FSIP2: variants seen among roughly 807,000 people sequenced by gnomAD.
FSIP2 encodes the protein fibrous sheath-interacting protein 2.
In FSIP2, 367 loss-of-function variants were observed where a neutral mutation model predicts 510.5. That is an observed-to-expected ratio of 0.72 (90% confidence interval 0.66 to 0.78). The LOEUF is 0.78. Ranked by LOEUF, FSIP2 falls within the 30% of genes least tolerant of loss-of-function variation. The pLI, the probability that FSIP2 is intolerant of heterozygous loss-of-function variation, is 0.00. For missense variants in FSIP2, 7,594 were observed against 7,901.7 expected (o/e 0.96, Z 1.48); for synonymous variants, 2,601 against 2,732.2 (o/e 0.95, Z 1.50).
At position 185,743,216 on chromosome 2, in the gene FSIP2, A is replaced by T; in HGVS notation, c.309A>T (p.Pro103=). 1.3e-6 allele frequency: 2 copies of T among 1,530,582 alleles called. No individual in the cohort carries two copies. The highest frequency in any genetic ancestry group is 1.7e-6 in the Non-Finnish European group (2 of 1,144,034). The allele number at this position is 1,530,582 out of a possible 1,614,324, so 94.8% of individuals were successfully genotyped here. A position where few individuals can be genotyped will look rare whatever the true frequency, so the allele number is the denominator to read the frequency against. ...LENQYKSLHD[P]HLKAYYKRKD... is the part of the protein sequence containing the mutation. ...ACCAATATAAAAGCCTCCATGATCC[A>T]CATTTAAAAGCATACTATAAGCGCA... Residue 103 remains proline (P), a synonymous_variant, in exon 3 of 23, where the codon CCA becomes CCT. Coordinates refer to ENST00000424728, the MANE Select transcript of FSIP2 (RefSeq NM_173651.4).
intron 1 of FSIP2, 128 bp from the exon 2 acceptor site, chr2:185,739,218 C>T: frequency 3.4e-6 from 4 of 1,186,434 alleles, no homozygotes; most frequent in Non-Finnish European, 4.6e-6. Context: ...AACGGGAGGA[C>T]TTCAGGATGC....
chr2:185,824,368 G>A (rs1693977198), intron 19 of FSIP2, 66 bp from the exon 20 acceptor site: 6 of 1,045,160 alleles, frequency 5.7e-6, no homozygotes, highest in South Asian at 1.4e-5. Context: ...CTGTTCTTTT[G>A]CTTAACCAGT....
Position 185,808,251 on chromosome 2 carries a change from T to C in FSIP2, c.18945T>C (p.Ala6315=). 6.2e-7 allele frequency: 1 copy of C among 1,602,018 alleles called. No individual in the cohort carries two copies. Among genetic ancestry groups the C allele is most frequent in the Non-Finnish European group, 8.5e-7 (1 of 1,175,916 alleles). Reference sequence around the variant, plus strand: ...CAAATTCAGAATTAGTTCTGGAAGCTGTCAAAATTATGGAAAAAGTGATCA... The same window carrying C: ...CAAATTCAGAATTAGTTCTGGAAGCCGTCAAAATTATGGAAAAAGTGATCA... The part of the protein sequence containing the change: ...EVSNSELVLE[A]VKIMEKVIKI... Residue 6315 remains alanine (A), a synonymous_variant, in exon 17 of 23, where the codon GCT becomes GCC. Transcript: ENST00000424728.
Position 185,805,427 on chromosome 2 carries a change from G to A in FSIP2, c.16121G>A (p.Ser5374Asn), listed in dbSNP as rs755395245. 6.2e-7 allele frequency: 1 copy of A among 1,605,282 alleles called. No homozygotes were observed. The highest frequency in any genetic ancestry group is 8.5e-7 in the Non-Finnish European group (1 of 1,176,592). ...CATGATATTCAAAAAGGTGATGAAA[G>A]TAACATTGCTATAGGGATGATTGCT... ...TSHDIQKGDE[S>N]NIAIGMIAAL... The change falls in exon 17 of 23, where the codon AGT (serine) becomes AAT (asparagine). Residue 5374 changes from serine (S) to asparagine (N), a missense_variant. Ser to Asn is a conservative substitution (Grantham distance 46). Transcript: ENST00000424728.
Position 185,794,705 on chromosome 2 carries a change from A to G in FSIP2, c.7569A>G (p.Ser2523=), listed in dbSNP as rs1031425509. Residue 2523 remains serine, a synonymous_variant, in exon 16 of 23, where the codon TCA becomes TCG. Transcript: ENST00000424728. Reference sequence around the variant, plus strand: ...TATCTAATTCTAAGATTAAAACATCAGACACAACACAGAAAAACAGTTTTC... The same window carrying G: ...TATCTAATTCTAAGATTAAAACATCGGACACAACACAGAAAAACAGTTTTC... The part of the protein sequence containing the change: ...NFISNSKIKT[S]DTTQKNSFQS... 7.2e-6 allele frequency: 11 copies of G among 1,534,054 alleles called. No individual in the cohort carries two copies. The highest frequency in any genetic ancestry group is 1.4e-5 in the African/African-American group (1 of 73,016).
chr2:185,801,674 A>T lies in FSIP2; in HGVS notation c.12368A>T (p.Glu4123Val). The change falls in exon 17 of 23, where the codon GAA becomes GTA. Residue 4123 changes from glutamate to valine, a missense_variant. By Grantham distance (121) the Glu-to-Val change is moderately radical. Transcript: ENST00000424728. ...CAAAAGCTTCAAAGTAACCTAACAG[A>T]ATTTACTTCTCTACCCAGGTCTTCA... ...ILQKLQSNLT[E>V]FTSLPRSSSD... 6.5e-7 allele frequency: 1 copy of T among 1,527,704 alleles called. No homozygotes were observed. Among genetic ancestry groups the T allele is most frequent in the South Asian group, 1.2e-5 (1 of 82,702 alleles). The allele number at this position is 1,527,704 out of a possible 1,614,324, so 94.6% of individuals were successfully genotyped here. A position where few individuals can be genotyped will look rare whatever the true frequency, so the allele number is the denominator to read the frequency against.
At position 185,747,467 on chromosome 2, in the gene FSIP2, G is replaced by T. The variant is rs564352476; in HGVS notation, c.870+44G>T. 49 of 1,166,324 alleles carry T rather than the reference G, an allele frequency of 4.2e-5. No homozygotes were observed. The African/African-American group carries it at 7.0e-4, about 17-fold the overall frequency. 72.2% of individuals were successfully genotyped at this position (1,166,324 alleles called of 1,614,324 possible). Reference sequence around the variant, plus strand: ...TCTAACTTGAGCTGTTCGAAGAGAAGATTTTGTTTTGGTTTTTTGAAGTAC... The same window carrying T: ...TCTAACTTGAGCTGTTCGAAGAGAATATTTTGTTTTGGTTTTTTGAAGTAC... On this transcript the variant is annotated intron_variant, in intron 7 of 22. Coordinates refer to ENST00000424728, the MANE Select transcript of FSIP2 (RefSeq NM_173651.4).
Position 185,794,259 on chromosome 2 carries a change from T to G in FSIP2, c.7123T>G (p.Tyr2375Asp). The G allele has an allele frequency of 6.5e-7, 1 of 1,531,472 alleles. No individual in the cohort carries two copies. The highest frequency in any genetic ancestry group is 8.7e-7 in the Non-Finnish European group (1 of 1,144,544). 94.9% of individuals were successfully genotyped at this position (1,531,472 alleles called of 1,614,324 possible). A position where few individuals can be genotyped will look rare whatever the true frequency, so the allele number is the denominator to read the frequency against. ...NDLDLEIQKI[Y>D]PYQNNILFQE... is the part of the protein sequence containing the mutation. ...CTTAGACTTAGAAATTCAAAAGATA[T>G]ATCCATATCAAAACAATATTTTGTT... The change falls in exon 16 of 23, where the codon TAT (tyrosine) becomes GAT (aspartate). Residue 2375 changes from tyrosine (Y) to aspartate (D), a missense_variant. By Grantham distance (160) the Tyr-to-Asp change is radical. Coordinates refer to ENST00000424728, the MANE Select transcript of FSIP2 (RefSeq NM_173651.4).
chr2:185,824,608 TC>T, intron 20 of FSIP2, 128 bp downstream of exon 20: 1 of 631,420 alleles, frequency 1.6e-6, no homozygotes, highest in Non-Finnish European at 2.8e-6. Flanking sequence ...TTGAAAATGA[TC>T]CAGTATTACC....
chr2:185,827,927 A>C (rs895540591), intron 20 of FSIP2, among the ~76,000 whole-genome samples: 2 of 151,852 alleles, frequency 1.3e-5, no homozygotes, highest in African/African-American at 4.8e-5. Context: ...TTCATCTGTC[A>C]TAATTTCTAA....
At chr2:185,783,140 A>ATAGT (rs1443826970) in intron 14 of FSIP2, among the ~76,000 whole-genome samples, 1 of 152,154 alleles carries the variant, frequency 6.6e-6, no homozygotes, top group Non-Finnish European at 1.5e-5. Context: ...GGCTGGTAAA[A>ATAGT]TAGTTTATAG....
At chr2:185,816,434 C>G (rs891980333) in intron 19 of FSIP2, among the ~76,000 whole-genome samples, 119 of 151,982 alleles carry the variant, frequency 7.8e-4, no homozygotes, top group African/African-American at 2.8e-3. Flanking sequence ...CCAGGAAGCT[C>G]AAGGTTCTGA....
intron 1 of FSIP2, 165 bp downstream of exon 1, chr2:185,739,158 C>A: frequency 1.7e-6 from 2 of 1,159,744 alleles, no homozygotes; most frequent in Non-Finnish European, 2.3e-6. Context: ...CGGACTGTAC[C>A]GGCCGCAACT....
chr2:185,821,459 C>T (rs1168652927), intron 19 of FSIP2, among the ~76,000 whole-genome samples: 3 of 151,808 alleles, frequency 2.0e-5, no homozygotes, highest in African/African-American at 4.8e-5. Context: ...ACATTATTAC[C>T]AAGACCAAAG....
rs183178532 is a variant in FSIP2 at position 185,808,933 on chromosome 2, G to C, written c.19627G>C (p.Val6543Leu). 14 of 1,607,812 alleles carry C rather than the reference G, an allele frequency of 8.7e-6. No homozygotes were observed. The highest frequency in any genetic ancestry group is 1.2e-5 in the Non-Finnish European group (14 of 1,178,312). Residue 6543 changes from valine (V) to leucine (L), a missense_variant, in exon 17 of 23, where the codon GTT becomes CTT. Coordinates refer to ENST00000424728, the MANE Select transcript of FSIP2 (RefSeq NM_173651.4). ...AAAAATTATTTCAGAACACTTAGCA[G>C]TTATTTCTATAAAAACTCAACCTCT... ...DPKIISEHLAVISIKTQPLEK... is the reference protein window; with the variant it reads ...DPKIISEHLALISIKTQPLEK...
At chr2:185,820,553 G>A (rs967013083) in intron 19 of FSIP2, among the ~76,000 whole-genome samples, 8 of 151,102 alleles carry the variant, frequency 5.3e-5, no homozygotes, top group African/African-American at 1.9e-4. Flanking sequence ...AATGCACATA[G>A]CACACTCCCC....
intron 5 of FSIP2, among the ~76,000 whole-genome samples, chr2:185,746,438 A>T (rs576226400): frequency 2.0e-5 from 3 of 152,176 alleles, no homozygotes; most frequent in Admixed American, 1.3e-4. Flanking sequence ...CTTTGCCATT[A>T]TATCAGATAC....
rs1375955271 is a variant in FSIP2 at position 185,803,752 on chromosome 2, G to C, written c.14446G>C (p.Asp4816His). The change falls in exon 17 of 23, where the codon GAT becomes CAT. Residue 4816 changes from aspartate (D) to histidine (H), a missense_variant. By Grantham distance (81) the Asp-to-His change is moderately conservative (BLOSUM62 -1). Transcript: ENST00000424728. ...SPLNTSAEQS[D>H]TTKSDLSNTV... ...ATTGAACACCAGTGCAGAGCAGTCA[G>C]ATACTACTAAATCAGACTTAAGTAA... 1.3e-6 allele frequency: 2 copies of C among 1,531,960 alleles called. No individual in the cohort carries two copies. Among genetic ancestry groups the C allele is most frequent in the Non-Finnish European group, 1.7e-6 (2 of 1,144,450 alleles). 94.9% of individuals were successfully genotyped at this position (1,531,960 alleles called of 1,614,324 possible). A position where few individuals can be genotyped will look rare whatever the true frequency, so the allele number is the denominator to read the frequency against.
intron 9 of FSIP2, among the ~76,000 whole-genome samples, chr2:185,757,157 C>T (rs553429320): frequency 2.0e-5 from 3 of 151,442 alleles, no homozygotes; most frequent in African/African-American, 4.8e-5. Context: ...GACAATAAAA[C>T]TAAGTTATCA....
Sources: allele counts gnomAD v4.1 joint callset (sites outside exome capture counted in the v4.1 genomes callset), GRCh38; gene constraint gnomAD v4.1.1; transcripts MANE v1.5; gene names NCBI Gene and HGNC (gene_info 2026-07-23, HGNC 2026-07-21).